The following CSGALNACT1 variants were observed in gnomAD, a reference collection of about 807,000 sequenced individuals.
CSGALNACT1 encodes beta4GalNAcT-1.
A neutral mutation model predicts 51.0 loss-of-function variants in CSGALNACT1; 52 were observed. The ratio of observed to expected loss-of-function variants is 1.02; its 90% confidence interval spans 0.82 to 1.29. The LOEUF is 1.29. Ranked by LOEUF, CSGALNACT1 falls within the 50% of genes most tolerant of loss-of-function variation. The probability of loss-of-function intolerance (pLI) is 0.00; values close to 1 mark genes in which losing one functional copy is unlikely to be tolerated. For synonymous variants in CSGALNACT1, 341 were observed against 254.4 expected (o/e 1.34, Z -3.24); for missense variants, 935 against 679.2 (o/e 1.38, Z -4.19).
intron 1 of CSGALNACT1, among the ~76,000 whole-genome samples, chr8:19,660,787 C>A (rs1212271250): frequency 6.6e-6 from 1 of 152,166 alleles, no homozygotes; most frequent in Non-Finnish European, 1.5e-5. Flanking sequence ...ATCAGTGGCT[C>A]CTTTGTCCAA....
chr8:19,534,884 TA>T (rs1455528102), intron 3 of CSGALNACT1, among the ~76,000 whole-genome samples: 2 of 152,224 alleles, frequency 1.3e-5, no homozygotes, highest in East Asian at 3.8e-4. Flanking sequence ...TTGGTGATTA[TA>T]ACCATATATT....
At chr8:19,456,602 G>A (rs376955464) in intron 5 of CSGALNACT1, among the ~76,000 whole-genome samples, 3 of 152,196 alleles carry the variant, frequency 2.0e-5, no homozygotes, top group South Asian at 4.1e-4. Context: ...CAGAGAAAGA[G>A]AGCAAAAACA....
chr8:19,666,817 G>A (rs866483062), intron 1 of CSGALNACT1, among the ~76,000 whole-genome samples: 1,000 of 34,930 alleles, frequency 0.029, 35 homozygotes, highest in Middle Eastern at 0.061. Flanking sequence ...GAAAGAGAGA[G>A]AGAGAGAGAG....
chr8:19,517,198 G>T (rs1421550658), intron 3 of CSGALNACT1, among the ~76,000 whole-genome samples: 1 of 152,234 alleles, frequency 6.6e-6, no homozygotes, highest in Admixed American at 6.5e-5. Flanking sequence ...AGCACTTTGG[G>T]AGGCCGAGGT....
intron 1 of CSGALNACT1, among the ~76,000 whole-genome samples, chr8:19,671,122 G>C: frequency 6.6e-6 from 1 of 152,320 alleles, no homozygotes; most frequent in East Asian, 1.9e-4. Context: ...GAAGAGTTAA[G>C]TCAACTGACT....
At chr8:19,568,813 C>A (rs1430400828) in intron 3 of CSGALNACT1, among the ~76,000 whole-genome samples, 3 of 152,136 alleles carry the variant, frequency 2.0e-5, no homozygotes, top group Non-Finnish European at 4.4e-5. Flanking sequence ...CCTGTTAGAG[C>A]TACCTTTAAA....
chr8:19,707,974 C>G (rs954720583), intron 1 of CSGALNACT1, among the ~76,000 whole-genome samples: 3 of 152,138 alleles, frequency 2.0e-5, no homozygotes, highest in African/African-American at 7.2e-5. Context: ...CGCCACTGCA[C>G]TCCAGCCTGG....
rs193123135 is a variant in CSGALNACT1 at position 19,587,585 on chromosome 8, T to A, written c.-297+3575A>T. 2.2e-4 allele frequency among the ~76,000 whole-genome samples: 33 copies of A among 152,336 alleles called. 1 individual carries two copies. The East Asian group carries it at 6.2e-3, about 28-fold the overall frequency. ...GCACACATCACTAAATTTCCTGGAA[T>A]AAGGTTACCAGACATTTTCATGTTC... On this transcript the variant is annotated intron_variant, in intron 3 of 9. Coordinates refer to ENST00000454498, the Ensembl canonical transcript of CSGALNACT1.
intron 1 of CSGALNACT1, among the ~76,000 whole-genome samples, chr8:19,689,765 A>AAG (rs1213946166): frequency 2.0e-5 from 3 of 152,220 alleles, no homozygotes; most frequent in Non-Finnish European, 4.4e-5. Flanking sequence ...CTGAGAAATC[A>AAG]AGAGAGAGAG....
At chr8:19,604,774 G>A (rs1360852619), upstream of CSGALNACT1, among the ~76,000 whole-genome samples, 3 of 150,044 alleles carry the variant, frequency 2.0e-5, no homozygotes, top group Admixed American at 6.6e-5. Context: ...AATTAGCCGC[G>A]CACGATGGCA....
At chr8:19,513,436 C>CTCTCTATATATATATATATATATATA in intron 3 of CSGALNACT1, among the ~76,000 whole-genome samples, 9 of 81,972 alleles carry the variant, frequency 1.1e-4, no homozygotes, top group Admixed American at 3.5e-4. Context: ...CTCTCTCTCT[C>CTCTCTATATATATATATATATATATA]TATATATATA....
intron 1 of CSGALNACT1, among the ~76,000 whole-genome samples, chr8:19,620,314 C>CAA (rs35145827): frequency 2.6e-4 from 17 of 64,740 alleles, no homozygotes; most frequent in Admixed American, 6.0e-4. Context: ...GACTCTGTCT[C>CAA]AAAAAAAAAA....
intron 3 of CSGALNACT1, among the ~76,000 whole-genome samples, chr8:19,543,504 C>G (rs1219712682): frequency 6.6e-6 from 1 of 152,176 alleles, no homozygotes; most frequent in Admixed American, 6.5e-5. Context: ...CCCCTACTTT[C>G]TTTCTGAGAG....
intron 1 of CSGALNACT1, among the ~76,000 whole-genome samples, chr8:19,677,436 A>G (rs1381171799): frequency 2.0e-5 from 3 of 152,312 alleles, no homozygotes; most frequent in Middle Eastern, 6.8e-3. Flanking sequence ...AAGATGAAAG[A>G]TATTTCTGTA....
chr8:19,479,007 C>T (rs1003787949), intron 4 of CSGALNACT1, among the ~76,000 whole-genome samples: 1 of 152,168 alleles, frequency 6.6e-6, no homozygotes, highest in Non-Finnish European at 1.5e-5. Context: ...TGGAGAGTGA[C>T]TTATTTGATG....
intron 9 of CSGALNACT1, 69 bp from the exon 9 acceptor site, chr8:19,406,138 G>A: frequency 6.4e-7 from 1 of 1,574,650 alleles, no homozygotes; most frequent in East Asian, 2.2e-5. Flanking sequence ...GTTGCAACAA[G>A]CACAAACTTT....
At chr8:19,564,157 T>A (rs917314594) in intron 3 of CSGALNACT1, among the ~76,000 whole-genome samples, 1 of 152,170 alleles carries the variant, frequency 6.6e-6, no homozygotes, top group Non-Finnish European at 1.5e-5. Flanking sequence ...CGCAAACTTT[T>A]AAAAGAGGAA....
At chr8:19,464,087 T>C (rs1033167494) in intron 4 of CSGALNACT1, among the ~76,000 whole-genome samples, 10 of 152,378 alleles carry the variant, frequency 6.6e-5, no homozygotes, top group Admixed American at 2.6e-4. Flanking sequence ...ACTGAGCCTA[T>C]GCAGAATTTC....
chr8:19,729,590 A>T (rs922711063), intron 1 of CSGALNACT1, among the ~76,000 whole-genome samples: 3 of 152,220 alleles, frequency 2.0e-5, no homozygotes, highest in African/African-American at 7.2e-5. Context: ...TTTAACTTAG[A>T]GAGCCTAGGA....
Sources: gnomAD v4.1 joint callset for allele counts (sites outside exome capture counted in the v4.1 genomes callset) on GRCh38, gnomAD v4.1.1 for gene constraint, MANE v1.5 for transcripts, NCBI Gene and HGNC (gene_info 2026-07-23, HGNC 2026-07-21) for gene names.